SERPINB12: variants seen among roughly 807,000 people sequenced by gnomAD.
The protein encoded by SERPINB12 is serpin family B member 12.
In SERPINB12, 57 loss-of-function variants were observed where a neutral mutation model predicts 41.1. The ratio of observed to expected loss-of-function variants is 1.39; its 90% CI spans 1.12 to 1.73. The LOEUF is 1.73. Ranked by LOEUF, SERPINB12 falls within the 40% of genes most tolerant of loss-of-function variation. The pLI, the probability that SERPINB12 is intolerant of heterozygous loss-of-function variation, is 0.00. For synonymous variants in SERPINB12, 180 were observed against 181.3 expected, an observed-to-expected ratio of 0.99 and a Z score of 0.06; for missense variants, 536 against 501.9, an observed-to-expected ratio of 1.07 and a Z score of -0.65.
chr18:63,559,716 C>A lies in SERPINB12; in HGVS notation c.442C>A (p.Gln148Lys). Residue 148 changes from glutamine to lysine, a missense_variant and splice_region_variant, in exon 4 of 8, where the codon CAG (glutamine) becomes AAG (lysine). By Grantham distance (53) the Gln-to-Lys change is moderately conservative (BLOSUM62 1). Transcript: ENST00000382768. ...LYGEQEFPIC[Q>K]EYLDGVIQFY... is the part of the protein sequence containing the mutation. ...TGGAGAGCAGGAATTCCCAATCTGT[C>A]AGGTGAGTTGCACACGAATGGTGAC... is the stretch of plus-strand genomic sequence containing the variant. 1 of 1,613,964 alleles carries A rather than the reference C, an allele frequency of 6.2e-7. No homozygotes were observed. Among genetic ancestry groups the A allele is most frequent in the South Asian group, 1.1e-5 (1 of 91,030 alleles).
rs1910839266 is a variant in SERPINB12 at position 63,559,735 on chromosome 18, T to C, written c.444+17T>C. 1 of 1,613,464 alleles carries C rather than the reference T, an allele frequency of 6.2e-7. No individual in the cohort carries two copies. The highest frequency in any genetic ancestry group is 1.3e-5 in the African/African-American group (1 of 74,916). On this transcript the variant is annotated intron_variant, in intron 4 of 7. Transcript: ENST00000382768. ...ATCTGTCAGGTGAGTTGCACACGAA[T>C]GGTGACTAAAGCTACCATGTAGCAT...
At chr18:63,548,593 A>G (rs946158960) in intron 1 of SERPINB12, among the ~76,000 whole-genome samples, 4 of 152,040 alleles carry the variant, frequency 2.6e-5, no homozygotes, top group Admixed American at 2.0e-4. Flanking sequence ...AAATGTTTAT[A>G]TAATATGAAG....
intron 1 of SERPINB12, among the ~76,000 whole-genome samples, chr18:63,555,563 T>A (rs1910645805): frequency 6.6e-6 from 1 of 152,150 alleles, no homozygotes; most frequent in South Asian, 2.1e-4. Context: ...GGAAATAGGG[T>A]CTTTGCAGAT....
At chr18:63,561,289 C>T in intron 5 of SERPINB12, 87 bp downstream of exon 5, 1 of 766,528 alleles carries the variant, frequency 1.3e-6, no homozygotes, top group Non-Finnish European at 2.3e-6. Context: ...TGCTGGTCTA[C>T]TGGGGGCCAG....
chr18:63,552,225 A>T (rs541472606), intron 1 of SERPINB12, among the ~76,000 whole-genome samples: 3 of 152,206 alleles, frequency 2.0e-5, no homozygotes, highest in African/African-American at 7.2e-5. Context: ...TAATTCAGAT[A>T]CGACAAATGT....
At chr18:63,556,112 T>A (rs1482398594) in intron 1 of SERPINB12, 30 bp from the exon 2 acceptor site, 1 of 1,513,514 alleles carries the variant, frequency 6.6e-7, no homozygotes. Flanking sequence ...CAATCACCAT[T>A]TTCTCTTTCT....
At chr18:63,541,043 A>G (rs1910261112), upstream of SERPINB12, among the ~76,000 whole-genome samples, 1 of 152,190 alleles carries the variant, frequency 6.6e-6, no homozygotes, top group Non-Finnish European at 1.5e-5. Flanking sequence ...TTCTCAAATG[A>G]CATGTACTAT....
the SERPINB12 span, among the ~76,000 whole-genome samples, chr18:63,531,161 T>C: frequency 1.3e-5 from 2 of 152,202 alleles, no homozygotes; most frequent in Non-Finnish European, 1.5e-5. Context: ...TGAGCAATTG[T>C]TGATAATTAT....
At chr18:63,540,090 T>C (rs1015857050), upstream of SERPINB12, among the ~76,000 whole-genome samples, 5 of 152,162 alleles carry the variant, frequency 3.3e-5, no homozygotes, top group Admixed American at 2.6e-4. Flanking sequence ...GAGACTAGCT[T>C]GAAGGATGCT....
At chr18:63,537,256 G>A in the SERPINB12 span, among the ~76,000 whole-genome samples, 1 of 152,160 alleles carries the variant, frequency 6.6e-6, no homozygotes, top group Non-Finnish European at 1.5e-5. Context: ...GTTGGCACCA[G>A]GTGCACTCTG....
chr18:63,519,264 C>T, the SERPINB12 span, among the ~76,000 whole-genome samples: 1 of 152,202 alleles, frequency 6.6e-6, no homozygotes, highest in African/African-American at 2.4e-5. Flanking sequence ...AGACAGGGAC[C>T]ACCCTAGTTT....
chr18:63,562,662 A>T (rs1249660028), intron 5 of SERPINB12, among the ~76,000 whole-genome samples: 1 of 152,188 alleles, frequency 6.6e-6, no homozygotes, highest in Non-Finnish European at 1.5e-5. Flanking sequence ...GGCCATAAAA[A>T]TGACCATTCT....
chr18:63,562,210 G>C (rs115489923), intron 5 of SERPINB12, among the ~76,000 whole-genome samples: 7 of 152,082 alleles, frequency 4.6e-5, no homozygotes, highest in Admixed American at 1.3e-4. Context: ...ACCGGTGCCC[G>C]TGTGAATTTG....
the SERPINB12 span, among the ~76,000 whole-genome samples, chr18:63,520,641 A>G: frequency 7.2e-5 from 11 of 152,226 alleles, no homozygotes; most frequent in African/African-American, 1.7e-4. Flanking sequence ...TAATGAAGGC[A>G]TAAACCAGGA....
At chr18:63,537,204 A>G in the SERPINB12 span, among the ~76,000 whole-genome samples, 1 of 152,122 alleles carries the variant, frequency 6.6e-6, no homozygotes, top group Non-Finnish European at 1.5e-5. Context: ...TTGTTTGGAG[A>G]CAGCTAGGGC....
At chr18:63,553,784 GTTTTC>G in intron 1 of SERPINB12, among the ~76,000 whole-genome samples, 2 of 152,106 alleles carry the variant, frequency 1.3e-5, no homozygotes, top group South Asian at 2.1e-4. Context: ...TAATTTGTTG[GTTTTC>G]TTTTCTTTGT....
intron 5 of SERPINB12, 28 bp downstream of exon 5, chr18:63,561,230 G>A (rs1910899739): frequency 7.2e-7 from 1 of 1,391,484 alleles, no homozygotes; most frequent in Non-Finnish European, 1.0e-6. Context: ...CACGGGAGCT[G>A]GTATTGGTTT....
chr18:63,546,343 G>A (rs540053140), intron 1 of SERPINB12, among the ~76,000 whole-genome samples: 38 of 152,270 alleles, frequency 2.5e-4, no homozygotes, highest in African/African-American at 8.2e-4. Context: ...AACATAACAC[G>A]ATTGTAGAGT....
At chr18:63,559,039 T>TTTCTTTCTTTCTTTC (rs1910794120) in intron 3 of SERPINB12, among the ~76,000 whole-genome samples, 1 of 34,720 alleles carries the variant, frequency 2.9e-5, no homozygotes, top group Admixed American at 2.8e-4. Context: ...TCTTTCTTTC[T>TTTCTTTCTTTCTTTC]TTCTTTCTTT....
Sources: gnomAD v4.1 joint callset for allele counts (sites outside exome capture counted in the v4.1 genomes callset) on GRCh38, gnomAD v4.1.1 for gene constraint, MANE v1.5 for transcripts, NCBI Gene and HGNC (gene_info 2026-07-23, HGNC 2026-07-21) for gene names.